Variants in PRH1 observed in about 807,000 individuals in gnomAD.
PRH1 encodes salivary acidic proline-rich phosphoprotein 1/2.
PRH1 carries 7 observed loss-of-function variants against 7.9 expected under a neutral mutation model. The observed-to-expected ratio is 0.89, with a 90% CI of 0.50 to 1.67. PRH1 has a LOEUF of 1.67. Ranked by LOEUF, PRH1 falls within the 40% of genes most tolerant of loss-of-function variation. PRH1 has a pLI of 0.00. For missense variants in PRH1, 109 were observed against 223.6 expected (o/e 0.49, Z 3.27); for synonymous variants, 45 against 80.8 (o/e 0.56, Z 2.38).
chr12:10,882,070 CTA>C, intron 3 of PRH1, 145 bp downstream of exon 3: 1 of 1,465,802 alleles, frequency 6.8e-7, no homozygotes, highest in Non-Finnish European at 9.1e-7. Context: ...TCTTGATACT[CTA>C]TACAAGAATA....
intron 2 of PRH1, among the ~76,000 whole-genome samples, chr12:10,927,877 AT>A (rs1950145057): frequency 6.6e-6 from 1 of 152,200 alleles, no homozygotes; most frequent in Non-Finnish European, 1.5e-5. Context: ...TATTTTATGA[AT>A]TGAGGAACAG....
chr12:11,058,849 A>G (rs1000056131), intron 1 of PRH1, among the ~76,000 whole-genome samples: 4 of 152,164 alleles, frequency 2.6e-5, no homozygotes, highest in Non-Finnish European at 2.9e-5. Flanking sequence ...AAAGCCAGCC[A>G]TGACTGGAGG....
chr12:10,965,873 A>G (rs1938476115), intron 2 of PRH1, among the ~76,000 whole-genome samples: 1 of 152,206 alleles, frequency 6.6e-6, no homozygotes, highest in South Asian at 2.1e-4. Context: ...AATAGACAAA[A>G]TCCAAACTTT....
chr12:11,042,875 G>A (rs927578940), intron 1 of PRH1, among the ~76,000 whole-genome samples: 3 of 151,604 alleles, frequency 2.0e-5, no homozygotes, highest in African/African-American at 7.3e-5. Flanking sequence ...GTGATCCACC[G>A]AACTCAGCCT....
At chr12:10,942,000 C>A (rs537489415) in intron 2 of PRH1, among the ~76,000 whole-genome samples, 20 of 152,230 alleles carry the variant, frequency 1.3e-4, no homozygotes, top group African/African-American at 4.1e-4. Flanking sequence ...TCTTCTGGAT[C>A]TAGTCACCAA....
At chr12:11,084,878 T>C (rs1944635172) in intron 1 of PRH1, among the ~76,000 whole-genome samples, 1 of 113,468 alleles carries the variant, frequency 8.8e-6, no homozygotes, top group African/African-American at 3.0e-5. Flanking sequence ...AGTGGCATGA[T>C]CTTGGCTCAC....
intron 1 of PRH1, among the ~76,000 whole-genome samples, chr12:11,014,420 T>G (rs1941201277): frequency 6.6e-6 from 1 of 151,958 alleles, no homozygotes. Flanking sequence ...GAACATAGAC[T>G]CTCTGGTGAT....
At chr12:11,062,039 T>A (rs749008775) in intron 1 of PRH1, 11 of 1,610,844 alleles carry the variant, frequency 6.8e-6, no homozygotes, top group Non-Finnish European at 9.3e-6. Flanking sequence ...GCCCAGACAT[T>A]GTAAGCAGTA....
rs1224555768 is a variant in PRH1, at chr12:11,022,167, C to A, written c.-126+24853G>T. ...GATTACAAATCAGAAATACCAAGGGCCCCAACAGTATCACCAGAACAACAC... is the reference window on the plus strand; with the variant it reads ...GATTACAAATCAGAAATACCAAGGGACCCAACAGTATCACCAGAACAACAC... On this transcript the variant is annotated intron_variant, in intron 1 of 3. Coordinates refer to the PRH1 transcript ENST00000539853. 28 of 1,613,958 alleles carry A rather than the reference C, an allele frequency of 1.7e-5. No individual in the cohort carries two copies. In the East Asian group the frequency reaches 1.8e-4, roughly 10 times the overall value.
intron 1 of PRH1, chr12:10,997,904 C>T: frequency 6.6e-7 from 1 of 1,508,086 alleles, no homozygotes; most frequent in Non-Finnish European, 9.0e-7. Flanking sequence ...GTAAAAAATT[C>T]AGGCCTAATG....
chr12:10,909,012 T>C (rs755075203), intron 2 of PRH1: 1 of 1,613,744 alleles, frequency 6.2e-7, no homozygotes, highest in Admixed American at 1.7e-5. Context: ...AAGCCAGAGA[T>C]TGAAGTGATT....
intron 2 of PRH1, among the ~76,000 whole-genome samples, chr12:10,924,830 G>GT (rs1950102597): frequency 6.6e-6 from 1 of 152,178 alleles, no homozygotes; most frequent in Admixed American, 6.5e-5. Context: ...TTGTATTTCT[G>GT]TGGAATCAGT....
At chr12:11,121,713 C>T (rs1310129918) in intron 1 of PRH1, among the ~76,000 whole-genome samples, 3 of 151,724 alleles carry the variant, frequency 2.0e-5, no homozygotes, top group East Asian at 3.9e-4. Flanking sequence ...ATTTACTCTA[C>T]GTATGTTTGT....
chr12:11,070,716 T>C (rs1414884869), intron 1 of PRH1, among the ~76,000 whole-genome samples: 1 of 151,426 alleles, frequency 6.6e-6, no homozygotes, highest in African/African-American at 2.4e-5. Context: ...AAACCAGATA[T>C]TGGCCACCCC....
At chr12:10,950,742 T>A (rs1950558128) in intron 2 of PRH1, among the ~76,000 whole-genome samples, 2 of 152,202 alleles carry the variant, frequency 1.3e-5, no homozygotes, top group South Asian at 4.1e-4. Context: ...ATTGTTTAGA[T>A]TGTTTAACAA....
At chr12:11,083,352 TAAAGA>T (rs1378438996) in intron 1 of PRH1, among the ~76,000 whole-genome samples, 1 of 119,276 alleles carries the variant, frequency 8.4e-6, no homozygotes, top group African/African-American at 2.8e-5. Context: ...TTTTTTAAAT[TAAAGA>T]AAAGTTTAAA....
chr12:10,968,238 T>C (rs1938606036), intron 2 of PRH1, among the ~76,000 whole-genome samples: 1 of 152,244 alleles, frequency 6.6e-6, no homozygotes, highest in African/African-American at 2.4e-5. Context: ...TAAATAACTA[T>C]TTTCTTAAGC....
intron 1 of PRH1, among the ~76,000 whole-genome samples, chr12:11,025,123 T>C (rs1305317360): frequency 1.3e-5 from 2 of 151,718 alleles, no homozygotes; most frequent in East Asian, 1.9e-4. Flanking sequence ...GGTTTAGCCA[T>C]TCTCCTGCCT....
intron 1 of PRH1, among the ~76,000 whole-genome samples, chr12:11,148,163 C>T (rs1249185149): frequency 1.4e-5 from 2 of 141,160 alleles, no homozygotes; most frequent in East Asian, 2.0e-4. Flanking sequence ...GCTGAAGTTG[C>T]TTATCAGCTT....
Sources: allele counts gnomAD v4.1 joint callset (sites outside exome capture counted in the v4.1 genomes callset), GRCh38; gene constraint gnomAD v4.1.1; transcripts MANE v1.5; gene names NCBI Gene and HGNC (gene_info 2026-07-23, HGNC 2026-07-21).